Variants in INSL6 observed in about 807,000 individuals in gnomAD.
INSL6 encodes the protein insulin-like peptide INSL6.
INSL6 carries 16 observed loss-of-function variants against 9.4 expected under a neutral mutation model. That is an observed-to-expected ratio of 1.70 (90% CI 1.15 to 2.59). The LOEUF (loss-of-function observed/expected upper bound fraction) is 2.59. Ranked by LOEUF, INSL6 falls within the 30% of genes most tolerant of loss-of-function variation. The probability of loss-of-function intolerance (pLI) is 0.00; values close to 1 mark genes in which losing one functional copy is unlikely to be tolerated. For missense variants in INSL6, 391 were observed against 257.3 expected (o/e 1.52, Z -3.56); for synonymous variants, 154 against 96.9 (o/e 1.59, Z -3.46).
At chr9:5,029,644 T>C in the INSL6 span, 5 of 646,420 alleles carry the variant, frequency 7.7e-6, no homozygotes, top group African/African-American at 9.2e-5. Flanking sequence ...GGGGTTGGTA[T>C]ATCAAAAGAT....
the INSL6 span, chr9:5,111,074 G>T: frequency 9.9e-6 from 12 of 1,215,898 alleles, no homozygotes; most frequent in Non-Finnish European, 1.3e-5. Flanking sequence ...AACTGGCCCA[G>T]CTCAGGCTCC....
chr9:5,131,292 G>C (rs1316435980), intron 3 of INSL6, among the ~76,000 whole-genome samples: 1 of 151,926 alleles, frequency 6.6e-6, no homozygotes. Flanking sequence ...AAGTATATTA[G>C]AACAAAATTT....
chr9:5,019,675 G>T, the INSL6 span, among the ~76,000 whole-genome samples: 6 of 151,848 alleles, frequency 4.0e-5, no homozygotes, highest in Admixed American at 3.3e-4. Flanking sequence ...CCATTTTTTT[G>T]AATTTGCTTT....
chr9:5,058,045 T>C, the INSL6 span, among the ~76,000 whole-genome samples: 4 of 152,208 alleles, frequency 2.6e-5, no homozygotes, highest in Admixed American at 6.5e-5. Flanking sequence ...AATATATGTA[T>C]GTATTCTGTG....
chr9:5,000,276 A>C, the INSL6 span, among the ~76,000 whole-genome samples: 1 of 152,148 alleles, frequency 6.6e-6, no homozygotes, highest in Non-Finnish European at 1.5e-5. Context: ...AATGTGACAG[A>C]GTTTTTGGTA....
the INSL6 span, among the ~76,000 whole-genome samples, chr9:5,025,170 G>C: frequency 2.6e-5 from 4 of 151,986 alleles, no homozygotes; most frequent in African/African-American, 7.3e-5. Context: ...GAGAAGGATA[G>C]GTCCTTGGAA....
the INSL6 span, among the ~76,000 whole-genome samples, chr9:5,034,246 C>T: frequency 7.9e-5 from 12 of 152,140 alleles, no homozygotes; most frequent in South Asian, 2.1e-3. Context: ...TAAAGCAAGT[C>T]CTTAGAGACC....
At chr9:5,082,076 T>C in the INSL6 span, among the ~76,000 whole-genome samples, 2 of 152,176 alleles carry the variant, frequency 1.3e-5, no homozygotes. Flanking sequence ...GTAATTCTCG[T>C]CAGGTGGGAC....
the INSL6 span, among the ~76,000 whole-genome samples, chr9:5,014,332 G>A: frequency 0.34 from 51,403 of 151,676 alleles, 9,411 homozygotes; most frequent in African/African-American, 0.49. Context: ...CAACAGATTT[G>A]TTAATCAACA....
the INSL6 span, among the ~76,000 whole-genome samples, chr9:5,034,526 A>G: frequency 1.3e-5 from 2 of 151,044 alleles, no homozygotes; most frequent in East Asian, 1.9e-4. Flanking sequence ...AACAGAAATT[A>G]TAACAAACTG....
the INSL6 span, among the ~76,000 whole-genome samples, chr9:5,016,961 A>G: frequency 6.6e-6 from 1 of 152,258 alleles, no homozygotes; most frequent in African/African-American, 2.4e-5. Context: ...GAATCTTTAG[A>G]TTAAAAGTAT....
At chr9:5,027,826 T>G in the INSL6 span, among the ~76,000 whole-genome samples, 1 of 152,208 alleles carries the variant, frequency 6.6e-6, no homozygotes, top group African/African-American at 2.4e-5. Flanking sequence ...ATGTCCAAGT[T>G]TTATCGTGAG....
the INSL6 span, among the ~76,000 whole-genome samples, chr9:5,015,355 G>T: frequency 1.3e-5 from 2 of 152,152 alleles, no homozygotes; most frequent in South Asian, 2.1e-4. Flanking sequence ...CTATTCAAGG[G>T]TTTAATGAAA....
chr9:5,158,930 C>A (rs756601205), downstream of INSL6, among the ~76,000 whole-genome samples: 2 of 151,914 alleles, frequency 1.3e-5, no homozygotes, highest in Non-Finnish European at 2.9e-5. Context: ...ATAATGACTA[C>A]AAGAACTTTT....
At chr9:5,092,424 C>T in the INSL6 span, among the ~76,000 whole-genome samples, 1 of 152,086 alleles carries the variant, frequency 6.6e-6, no homozygotes, top group African/African-American at 2.4e-5. Context: ...TCGCTTAACC[C>T]AAAGCATCCA....
the INSL6 span, among the ~76,000 whole-genome samples, chr9:5,040,107 A>G: frequency 1.3e-5 from 2 of 152,240 alleles, no homozygotes; most frequent in Non-Finnish European, 2.9e-5. Context: ...AAGGATGAAT[A>G]TACAGATTAA....
At chr9:5,035,034 A>T in the INSL6 span, among the ~76,000 whole-genome samples, 2 of 152,214 alleles carry the variant, frequency 1.3e-5, no homozygotes, top group Non-Finnish European at 2.9e-5. Flanking sequence ...ACATGCAATA[A>T]AAAATGATAA....
the INSL6 span, chr9:5,112,418 G>A: frequency 2.1e-5 from 10 of 486,998 alleles, 1 homozygote; most frequent in South Asian, 1.5e-4. Flanking sequence ...AGGAGAACAC[G>A]TCGGCGGCTG....
the INSL6 span, among the ~76,000 whole-genome samples, chr9:5,040,395 A>AC: frequency 6.6e-6 from 1 of 152,224 alleles, no homozygotes; most frequent in African/African-American, 2.4e-5. Flanking sequence ...TAGATTAGGC[A>AC]GTGGTTTCTT....
Sources: allele counts gnomAD v4.1 joint callset (sites outside exome capture counted in the v4.1 genomes callset), GRCh38; gene constraint gnomAD v4.1.1; transcripts MANE v1.5; gene names NCBI Gene and HGNC (gene_info 2026-07-23, HGNC 2026-07-21).